Variants in VRK1 observed in about 807,000 individuals in gnomAD.
VRK1 encodes the protein VRK serine/threonine kinase 1, also known as serine/threonine-protein kinase VRK1.
In VRK1, 33 loss-of-function variants were observed where a neutral mutation model predicts 57.1. The ratio of observed to expected loss-of-function variants is 0.58; its 90% CI spans 0.44 to 0.77. The LOEUF is 0.77. Ranked by LOEUF, VRK1 falls within the 30% of genes least tolerant of loss-of-function variation. The pLI is 0.00. For synonymous variants in VRK1, 137 were observed against 147.8 expected, an observed-to-expected ratio of 0.93 and a Z score of 0.53; for missense variants, 413 against 477.3, an observed-to-expected ratio of 0.87 and a Z score of 1.25.
At chr14:96,810,777 G>T (rs1013348869) in intron 1 of VRK1, among the ~76,000 whole-genome samples, 2 of 152,224 alleles carry the variant, frequency 1.3e-5, no homozygotes, top group African/African-American at 4.8e-5. Context: ...AGGCTTGTTA[G>T]AATCTTCTTA....
At chr14:96,799,383 G>A (rs1885566685) in intron 1 of VRK1, among the ~76,000 whole-genome samples, 1 of 151,628 alleles carries the variant, frequency 6.6e-6, no homozygotes, top group African/African-American at 2.4e-5. Context: ...TAAGTGAAAT[G>A]TCCCAGATGT....
rs138863654 is a variant in VRK1 at position 96,867,577 on chromosome 14, G to T, written c.1068+6842G>T. On this transcript the variant is annotated intron_variant, in intron 11 of 12. Coordinates refer to ENST00000216639, the MANE Select transcript of VRK1 (RefSeq NM_003384.3). ...ATCTAAAGGCTTAATGCCTGTCTTA[G>T]ACGCTTGAACAATTTATTTTCTGTG... 9.5e-4 allele frequency among the ~76,000 whole-genome samples: 144 copies of T among 152,000 alleles called. 1 individual carries two copies. The highest frequency in any genetic ancestry group is 3.4e-3 in the Middle Eastern group (1 of 294).
chr14:96,864,130 C>T (rs992602538), intron 11 of VRK1, among the ~76,000 whole-genome samples: 6 of 152,104 alleles, frequency 3.9e-5, no homozygotes, highest in African/African-American at 7.2e-5. Context: ...GTAGTTAAGT[C>T]GAGTCAGCAT....
At chr14:96,817,806 A>G (rs1595647792) in intron 1 of VRK1, among the ~76,000 whole-genome samples, 2 of 152,230 alleles carry the variant, frequency 1.3e-5, no homozygotes, top group South Asian at 2.1e-4. Context: ...TATAGTTCAC[A>G]GTTTCTAATT....
intron 1 of VRK1, among the ~76,000 whole-genome samples, chr14:96,807,977 GTCTC>G (rs1252403725): frequency 5.1e-5 from 3 of 58,478 alleles, no homozygotes; most frequent in African/African-American, 2.2e-4. Flanking sequence ...CTCTCTCTCT[GTCTC>G]TCTCCCTCTC....
At chr14:96,803,927 C>G (rs1758977253) in intron 1 of VRK1, among the ~76,000 whole-genome samples, 1 of 152,158 alleles carries the variant, frequency 6.6e-6, no homozygotes, top group Admixed American at 6.5e-5. Flanking sequence ...TATACAAAAT[C>G]CTTTGCCAAA....
At chr14:96,856,651 C>A (rs898992700) in intron 10 of VRK1, 65 bp downstream of exon 10, 7 of 1,356,912 alleles carry the variant, frequency 5.2e-6, no homozygotes, top group Non-Finnish European at 7.4e-6. Context: ...GGCATGATAT[C>A]CATGGAATAG....
chr14:96,803,186 T>A, intron 1 of VRK1, among the ~76,000 whole-genome samples: 1 of 147,158 alleles, frequency 6.8e-6, no homozygotes, highest in South Asian at 2.2e-4. Context: ...TTTTTTTTTT[T>A]TTGAGGCAGG....
intron 1 of VRK1, among the ~76,000 whole-genome samples, chr14:96,807,975 C>T (rs1046671150): frequency 2.5e-4 from 29 of 116,850 alleles, no homozygotes; most frequent in Non-Finnish European, 7.5e-5. Context: ...CCCTCTCTCT[C>T]TGTCTCTCTC....
chr14:96,867,647 G>A (rs777908832), intron 11 of VRK1, among the ~76,000 whole-genome samples: 2 of 151,744 alleles, frequency 1.3e-5, no homozygotes, highest in Non-Finnish European at 2.9e-5. Context: ...CTGTCCCTCC[G>A]GAACTCCTAC....
Position 96,833,457 on chromosome 14 carries a change from T to G in VRK1, c.-5-10T>G. 6.2e-7 allele frequency: 1 copy of G among 1,613,176 alleles called. No individual in the cohort carries two copies. On this transcript the variant is annotated splice_polypyrimidine_tract_variant and intron_variant, in intron 1 of 12. Transcript: ENST00000216639. ...TAGAATTCTGACCATTTCTTTGTTT[T>G]ATGTTATAGTGAAAATGCCTCGTGT...
At chr14:96,822,857 G>T (rs1886654788) in intron 1 of VRK1, among the ~76,000 whole-genome samples, 2 of 152,156 alleles carry the variant, frequency 1.3e-5, no homozygotes, top group African/African-American at 4.8e-5. Context: ...TTGATCTCTT[G>T]CTCCTGTGCT....
intron 11 of VRK1, among the ~76,000 whole-genome samples, chr14:96,866,631 G>A (rs1347809506): frequency 6.6e-6 from 1 of 152,130 alleles, no homozygotes; most frequent in African/African-American, 2.4e-5. Flanking sequence ...AGTCACTGGG[G>A]AGTAGGGAGG....
At chr14:96,853,724 A>G (rs1888040472) in intron 7 of VRK1, among the ~76,000 whole-genome samples, 1 of 151,958 alleles carries the variant, frequency 6.6e-6, no homozygotes, top group Non-Finnish European at 1.5e-5. Flanking sequence ...ATGTTATTAT[A>G]CCTTTATTTA....
At chr14:96,816,756 C>T (rs1886409208) in intron 1 of VRK1, among the ~76,000 whole-genome samples, 1 of 150,402 alleles carries the variant, frequency 6.6e-6, no homozygotes, top group African/African-American at 2.4e-5. Flanking sequence ...GGAAATTTTA[C>T]AGGACAAATG....
chr14:96,810,683 A>C (rs10135587), intron 1 of VRK1, among the ~76,000 whole-genome samples: 7,386 of 152,226 alleles, frequency 0.049, 634 homozygotes, highest in African/African-American at 0.17. Flanking sequence ...TCATTTGTGA[A>C]ATGAAGGATT....
intron 11 of VRK1, among the ~76,000 whole-genome samples, chr14:96,866,945 G>A (rs1482877885): frequency 1.3e-5 from 2 of 152,086 alleles, no homozygotes; most frequent in African/African-American, 2.4e-5. Context: ...ATTTTAATTT[G>A]TTTATGTGTG....
At chr14:96,868,986 G>A (rs1888701375) in intron 11 of VRK1, among the ~76,000 whole-genome samples, 1 of 151,908 alleles carries the variant, frequency 6.6e-6, no homozygotes, top group African/African-American at 2.4e-5. Context: ...GTAGAGACGG[G>A]GTTTCTCCGT....
At chr14:96,866,377 A>G (rs954581335) in intron 11 of VRK1, among the ~76,000 whole-genome samples, 2 of 152,202 alleles carry the variant, frequency 1.3e-5, no homozygotes, top group African/African-American at 4.8e-5. Flanking sequence ...AGAAGCAAAA[A>G]TGTGAGTTTA....
Sources: allele counts gnomAD v4.1 joint callset (sites outside exome capture counted in the v4.1 genomes callset), GRCh38; gene constraint gnomAD v4.1.1; transcripts MANE v1.5; gene names NCBI Gene and HGNC (gene_info 2026-07-23, HGNC 2026-07-21).